Variants in NSRP1 observed in about 807,000 individuals in gnomAD.
The protein encoded by NSRP1 is nuclear speckle splicing regulatory protein 1.
NSRP1 carries 24 observed loss-of-function variants against 54.7 expected under a neutral mutation model. That is an observed-to-expected ratio of 0.44 (90% confidence interval 0.32 to 0.62). NSRP1 has a LOEUF of 0.62. Ranked by LOEUF, NSRP1 falls within the 20% of genes least tolerant of loss-of-function variation. NSRP1 has a pLI of 0.06. For missense variants in NSRP1, 596 were observed against 651.2 expected, an observed-to-expected ratio of 0.92 and a Z score of 0.92; for synonymous variants, 210 against 213.8, an observed-to-expected ratio of 0.98 and a Z score of 0.15.
At chr17:30,118,956 C>T (rs1045900742) in intron 2 of NSRP1, among the ~76,000 whole-genome samples, 5 of 152,014 alleles carry the variant, frequency 3.3e-5, no homozygotes, top group Non-Finnish European at 7.3e-5. Flanking sequence ...CCATGTTGGC[C>T]GGGCTAGTCT....
chr17:30,185,667 A>T lies in NSRP1; in HGVS notation c.1670A>T (p.Asp557Val). Residue 557 changes from aspartate (D) to valine (V), a missense_variant, in exon 7 of 7, where the codon GAT becomes GTT. Physicochemically the swap from Asp to Val is radical, Grantham distance 152. Coordinates refer to ENST00000247026, the MANE Select transcript of NSRP1 (RefSeq NM_032141.4). ...VNAKTYIEKE[D>V]D Reference sequence around the variant, plus strand: ...GCAAAGACCTATATTGAGAAAGAAGATGATTGATGGCTACCCCAAGAGAAA... The same window carrying T: ...GCAAAGACCTATATTGAGAAAGAAGTTGATTGATGGCTACCCCAAGAGAAA... The T allele has an allele frequency of 6.4e-7, 1 of 1,566,784 alleles. No homozygotes were observed. The highest frequency in any genetic ancestry group is 8.6e-7 in the Non-Finnish European group (1 of 1,162,214).
At chr17:30,143,386 C>T (rs906618752) in intron 2 of NSRP1, among the ~76,000 whole-genome samples, 4 of 152,236 alleles carry the variant, frequency 2.6e-5, no homozygotes, top group African/African-American at 9.6e-5. Context: ...AGAAGTACAT[C>T]TTTAGTGTCA....
Position 30,168,593 on chromosome 17 carries a change from GTAATAA to G in NSRP1, c.115-3936_115-3931del, listed in dbSNP as rs1022429926. 9.6e-5 allele frequency among the ~76,000 whole-genome samples: 13 copies of G among 135,374 alleles called. No homozygotes were observed. The East Asian group carries it at 2.0e-3, about 20-fold the overall frequency. 88.8% of individuals were successfully genotyped at this position (135,374 alleles called of 152,430 possible). A position where few individuals can be genotyped will look rare whatever the true frequency, so the allele number is the denominator to read the frequency against. Reference sequence around the variant, plus strand: ...TTAAAGTATAATAATAATAATAATAGTAATAATAATAATAATAAATAAAATAAAATA... The same window carrying G: ...TTAAAGTATAATAATAATAATAATAGTAATAATAATAAATAAAATAAAATA... On this transcript the variant is annotated intron_variant, in intron 2 of 6. Transcript: ENST00000247026.
chr17:30,140,038 T>C (rs1377361320), intron 2 of NSRP1, among the ~76,000 whole-genome samples: 1 of 152,112 alleles, frequency 6.6e-6, no homozygotes, highest in Non-Finnish European at 1.5e-5. Context: ...AAAAAGACAT[T>C]ATTTGCTTTT....
At chr17:30,117,626 C>A (rs1890576084) in intron 1 of NSRP1, 3 of 339,158 alleles carry the variant, frequency 8.8e-6, no homozygotes, top group Non-Finnish European at 5.3e-6. Context: ...ACTATCCAGT[C>A]AGTTCTTAGA....
At chr17:30,143,925 C>T (rs1482815838) in intron 2 of NSRP1, 1 of 152,142 alleles carries the variant, frequency 6.6e-6, no homozygotes, top group Non-Finnish European at 1.5e-5. Flanking sequence ...TGTATCAAAA[C>T]ATCTCATGTA....
chr17:30,141,931 G>A (rs2071809198), intron 2 of NSRP1, among the ~76,000 whole-genome samples: 1 of 152,214 alleles, frequency 6.6e-6, no homozygotes, highest in Non-Finnish European at 1.5e-5. Context: ...TTGAGCCCAG[G>A]AGGTGGAGGT....
chr17:30,127,034 A>T (rs2071656349), intron 2 of NSRP1, among the ~76,000 whole-genome samples: 1 of 152,264 alleles, frequency 6.6e-6, no homozygotes, highest in African/African-American at 2.4e-5. Context: ...ATTAGGCAAT[A>T]TGTAAATTAT....
intron 3 of NSRP1, among the ~76,000 whole-genome samples, chr17:30,176,085 GTTTTTT>G (rs968687328): frequency 7.0e-6 from 1 of 142,054 alleles, no homozygotes; most frequent in African/African-American, 2.7e-5. Context: ...TATTCATACT[GTTTTTT>G]TTTGTTGTTG....
At chr17:30,151,041 G>A (rs1338491984) in intron 2 of NSRP1, among the ~76,000 whole-genome samples, 1 of 152,020 alleles carries the variant, frequency 6.6e-6, no homozygotes, top group African/African-American at 2.4e-5. Flanking sequence ...CATCCTGTTG[G>A]GTACGAAGTG....
intron 2 of NSRP1, among the ~76,000 whole-genome samples, chr17:30,129,793 A>G (rs373812611): frequency 2.6e-4 from 40 of 152,378 alleles, no homozygotes; most frequent in East Asian, 1.9e-3. Flanking sequence ...ACAGTTGTAC[A>G]TAGATAAGAC....
intron 4 of NSRP1, among the ~76,000 whole-genome samples, chr17:30,178,550 G>A (rs1349143429): frequency 6.6e-6 from 1 of 151,916 alleles, no homozygotes; most frequent in Non-Finnish European, 1.5e-5. Context: ...TTCCTAGCTG[G>A]TAACTGAATC....
intron 2 of NSRP1, among the ~76,000 whole-genome samples, chr17:30,121,978 T>TA (rs1376444292): frequency 6.6e-6 from 1 of 152,098 alleles, no homozygotes; most frequent in Admixed American, 6.5e-5. Context: ...TCCCCACCCC[T>TA]AAACCCTGGC....
intron 2 of NSRP1, among the ~76,000 whole-genome samples, chr17:30,162,044 T>TG (rs1290520446): frequency 5.4e-5 from 8 of 147,588 alleles, no homozygotes; most frequent in African/African-American, 1.8e-4. Flanking sequence ...TTTTTTGAGA[T>TG]GGAGTCTTGC....
intron 2 of NSRP1, among the ~76,000 whole-genome samples, chr17:30,167,319 C>T (rs1904768775): frequency 6.6e-6 from 1 of 152,024 alleles, no homozygotes; most frequent in African/African-American, 2.4e-5. Flanking sequence ...CCTTTAAAAA[C>T]ATAAGATCTG....
At chr17:30,171,976 C>CTCT (rs1567804388) in intron 2 of NSRP1, among the ~76,000 whole-genome samples, 5 of 80,436 alleles carry the variant, frequency 6.2e-5, no homozygotes, top group African/African-American at 1.6e-4. Flanking sequence ...ACACACACTC[C>CTCT]CTCTCTCTCT....
intron 2 of NSRP1, among the ~76,000 whole-genome samples, chr17:30,157,997 A>G (rs1019506679): frequency 3.3e-5 from 5 of 152,218 alleles, no homozygotes; most frequent in Non-Finnish European, 7.4e-5. Context: ...TTCTTTGGAT[A>G]GATACCCAAT....
At chr17:30,151,301 G>A (rs1490402493) in intron 2 of NSRP1, among the ~76,000 whole-genome samples, 1 of 152,016 alleles carries the variant, frequency 6.6e-6, no homozygotes, top group Non-Finnish European at 1.5e-5. Context: ...GAACGATAGG[G>A]GGGTTAGAGC....
chr17:30,176,276 A>G (rs1392807955), intron 3 of NSRP1, among the ~76,000 whole-genome samples: 3 of 152,136 alleles, frequency 2.0e-5, no homozygotes, highest in African/African-American at 4.8e-5. Context: ...GTGCTCCCCT[A>G]CAGCTCTCCT....
Sources: gnomAD v4.1 joint callset for allele counts (sites outside exome capture counted in the v4.1 genomes callset) on GRCh38, gnomAD v4.1.1 for gene constraint, MANE v1.5 for transcripts, NCBI Gene and HGNC (gene_info 2026-07-23, HGNC 2026-07-21) for gene names.